The following MGAT4C variants were observed in gnomAD, a reference collection of about 807,000 sequenced individuals.
MGAT4C encodes alpha-1,3-mannosyl-glycoprotein 4-beta-N-acetylglucosaminyltransferase C.
Under a neutral mutation model 40.1 loss-of-function variants are expected in MGAT4C, and 19 were observed. The ratio of observed to expected loss-of-function variants is 0.47; its 90% CI spans 0.33 to 0.70. MGAT4C has a LOEUF of 0.70. Ranked by LOEUF, MGAT4C falls within the 30% of genes least tolerant of loss-of-function variation. MGAT4C has a pLI of 0.02. For missense variants in MGAT4C, 491 were observed against 563.2 expected, an observed-to-expected ratio of 0.87 and a Z score of 1.30; for synonymous variants, 181 against 187.1, an observed-to-expected ratio of 0.97 and a Z score of 0.27.
chr12:86,611,323 G>GAC lies in MGAT4C; in HGVS notation c.-229+115884_-229+115885dup, dbSNP rs371713062. 1.1e-3 allele frequency among the ~76,000 whole-genome samples: 170 copies of GAC among 151,272 alleles called. 2 individuals carry two copies. The South Asian group carries it at 0.023, about 21-fold the overall frequency. ...TACAGCAGATACGCAAAGACGTGCAGACACACACACACACACGTATGATAG... is the reference window on the plus strand; with the variant it reads ...TACAGCAGATACGCAAAGACGTGCAGACACACACACACACACACGTATGATAG... On this transcript the variant is annotated intron_variant, in intron 2 of 7. Transcript: ENST00000548651.
intron 2 of MGAT4C, among the ~76,000 whole-genome samples, chr12:86,509,759 C>G (rs1236655297): frequency 6.6e-6 from 1 of 152,110 alleles, no homozygotes; most frequent in South Asian, 2.1e-4. Context: ...TGTAGTTCTC[C>G]TTGAAGAGGT....
At position 86,268,670 on chromosome 12, in the gene MGAT4C, T is replaced by TAC. The variant is rs1301932885; in HGVS notation, c.-57+65394_-57+65395insGT. ...AACAAAAGGATATTAACTACATATATATATATATACATATATACATATATA... is the reference window on the plus strand; with the variant it reads ...AACAAAAGGATATTAACTACATATATACATATATATACATATATACATATATA... On this transcript the variant is annotated intron_variant, in intron 4 of 7. Transcript: ENST00000548651. Among the ~76,000 whole-genome samples, 62 of 147,084 alleles carry TAC rather than the reference T, an allele frequency of 4.2e-4. 1 individual carries two copies. Among genetic ancestry groups the TAC allele is most frequent in the Admixed American group, 3.8e-3 (55 of 14,616 alleles).
intron 1 of MGAT4C, among the ~76,000 whole-genome samples, chr12:86,201,941 T>A (rs1950067590): frequency 1.3e-5 from 2 of 152,112 alleles, no homozygotes; most frequent in Non-Finnish European, 2.9e-5. Flanking sequence ...CAATTAAAAT[T>A]TTCACTTGTT....
intron 3 of MGAT4C, among the ~76,000 whole-genome samples, chr12:86,429,097 T>C (rs540603878): frequency 3.7e-4 from 57 of 152,194 alleles, no homozygotes; most frequent in African/African-American, 1.2e-3. Context: ...TAGGTACCTA[T>C]TGCAAGAACT....
intron 1 of MGAT4C, among the ~76,000 whole-genome samples, chr12:86,757,000 T>C (rs1308943469): frequency 6.6e-6 from 1 of 152,202 alleles, no homozygotes; most frequent in African/African-American, 2.4e-5. Flanking sequence ...GTTATAATTA[T>C]ACTATATCTT....
At chr12:86,280,313 C>A (rs936960096) in intron 4 of MGAT4C, among the ~76,000 whole-genome samples, 1 of 151,834 alleles carries the variant, frequency 6.6e-6, no homozygotes, top group Admixed American at 6.6e-5. Flanking sequence ...CATATATCTA[C>A]GTTCTCCAGT....
intron 1 of MGAT4C, among the ~76,000 whole-genome samples, chr12:86,232,640 C>T (rs1013789460): frequency 3.9e-5 from 6 of 152,282 alleles, no homozygotes; most frequent in Admixed American, 3.9e-4. Flanking sequence ...GAGCCGAATA[C>T]AAGTGTCCCA....
chr12:86,518,820 T>C (rs557520315), intron 2 of MGAT4C, among the ~76,000 whole-genome samples: 1 of 152,236 alleles, frequency 6.6e-6, no homozygotes, highest in East Asian at 1.9e-4. Flanking sequence ...TCCCAACTCA[T>C]TGTAGCTTAT....
At chr12:86,282,602 A>G (rs1376527321) in intron 4 of MGAT4C, among the ~76,000 whole-genome samples, 1 of 152,008 alleles carries the variant, frequency 6.6e-6, no homozygotes, top group Non-Finnish European at 1.5e-5. Flanking sequence ...TTGCTTCTCC[A>G]TATATCTAGT....
intron 2 of MGAT4C, among the ~76,000 whole-genome samples, chr12:86,664,748 T>C (rs1312746931): frequency 6.6e-6 from 1 of 152,188 alleles, no homozygotes; most frequent in East Asian, 1.9e-4. Flanking sequence ...TACAAATCTG[T>C]AGTTATGTGT....
At chr12:86,579,255 A>G (rs567622670) in intron 2 of MGAT4C, among the ~76,000 whole-genome samples, 12 of 151,440 alleles carry the variant, frequency 7.9e-5, no homozygotes, top group African/African-American at 2.9e-4. Context: ...TCTTCCTCTA[A>G]TGAAGGTGAT....
chr12:86,302,453 G>C (rs1953838038), intron 4 of MGAT4C, among the ~76,000 whole-genome samples: 1 of 150,244 alleles, frequency 6.7e-6, no homozygotes, highest in Non-Finnish European at 1.5e-5. Context: ...TTTCGAGACG[G>C]AGTCTCATTC....
chr12:86,642,254 C>T (rs1265256798), intron 2 of MGAT4C, among the ~76,000 whole-genome samples: 2 of 151,806 alleles, frequency 1.3e-5, no homozygotes, highest in African/African-American at 4.8e-5. Flanking sequence ...AAGTTTCTCT[C>T]TCTTGCCATT....
chr12:86,443,257 C>G (rs1432257848), intron 2 of MGAT4C, among the ~76,000 whole-genome samples: 1 of 151,626 alleles, frequency 6.6e-6, no homozygotes, highest in Non-Finnish European at 1.5e-5. Context: ...GACACAATAC[C>G]GTAATTATAG....
intron 4 of MGAT4C, among the ~76,000 whole-genome samples, chr12:86,323,026 A>G (rs949748360): frequency 9.2e-5 from 14 of 152,066 alleles, no homozygotes; most frequent in South Asian, 8.3e-4. Flanking sequence ...ATCAGCACTT[A>G]AAATCCTATT....
intron 1 of MGAT4C, among the ~76,000 whole-genome samples, chr12:86,801,397 T>C (rs995012864): frequency 6.6e-6 from 1 of 151,734 alleles, no homozygotes; most frequent in African/African-American, 2.4e-5. Context: ...AAGGACTCAG[T>C]GGAAGAGATT....
At chr12:86,779,594 C>G (rs1951802211) in intron 1 of MGAT4C, among the ~76,000 whole-genome samples, 1 of 131,376 alleles carries the variant, frequency 7.6e-6, no homozygotes, top group South Asian at 2.9e-4. Context: ...AGAGCAAGAA[C>G]TTGTCTCAAA....
intron 1 of MGAT4C, among the ~76,000 whole-genome samples, chr12:86,058,633 C>A (rs1465612504): frequency 1.3e-5 from 2 of 151,906 alleles, no homozygotes; most frequent in Non-Finnish European, 2.9e-5. Context: ...GGTAACTTAT[C>A]CAAGGCAACA....
intron 1 of MGAT4C, among the ~76,000 whole-genome samples, chr12:86,192,761 A>G (rs1290656910): frequency 3.3e-5 from 5 of 152,198 alleles, no homozygotes; most frequent in African/African-American, 1.2e-4. Context: ...TTTTCTATCA[A>G]CAAGTAAATG....
Sources: allele counts gnomAD v4.1 joint callset (sites outside exome capture counted in the v4.1 genomes callset), GRCh38; gene constraint gnomAD v4.1.1; transcripts MANE v1.5; gene names NCBI Gene and HGNC (gene_info 2026-07-23, HGNC 2026-07-21).